Variants in IFT80 observed in about 807,000 individuals in gnomAD.
IFT80 encodes the protein intraflagellar transport protein 80 homolog.
Under a neutral mutation model 107.9 loss-of-function variants are expected in IFT80, and 79 were observed. The ratio of observed to expected loss-of-function variants is 0.73; its 90% CI spans 0.61 to 0.88. The LOEUF is 0.88. Ranked by LOEUF, IFT80 falls within the 40% of genes least tolerant of loss-of-function variation. The pLI, the probability that IFT80 is intolerant of heterozygous loss-of-function variation, is 0.00. For missense variants in IFT80, 797 were observed against 914.2 expected, an observed-to-expected ratio of 0.87 and a Z score of 1.65; for synonymous variants, 299 against 300.9, an observed-to-expected ratio of 0.99 and a Z score of 0.07.
At position 160,356,071 on chromosome 3, in the gene IFT80, T is replaced by A; in HGVS notation, c.719A>T (p.Asp240Val). The A allele has an allele frequency of 6.2e-7, 1 of 1,614,170 alleles. No homozygotes were observed. The highest frequency in any genetic ancestry group is 1.1e-5 in the South Asian group (1 of 91,088). Reference sequence around the variant, plus strand: ...CGATCCAACAGCAAATAATTCTCCATCTGGAGCCCAGGCAACTGAAGTAAT... The same window carrying A: ...CGATCCAACAGCAAATAATTCTCCAACTGGAGCCCAGGCAACTGAAGTAAT... ...HPITSVAWAP[D>V]GELFAVGSFH... The change falls in exon 8 of 20, where the codon GAT becomes GTT. Residue 240 changes from aspartate to valine, a missense_variant. Coordinates refer to ENST00000326448, the MANE Select transcript of IFT80 (RefSeq NM_020800.3).
intron 14 of IFT80, among the ~76,000 whole-genome samples, chr3:160,281,170 T>C (rs758181223): frequency 2.6e-5 from 4 of 152,204 alleles, no homozygotes; most frequent in Non-Finnish European, 4.4e-5. Context: ...AGAGTCACTC[T>C]TCTACAGGGG....
intron 8 of IFT80, among the ~76,000 whole-genome samples, chr3:160,347,205 C>T (rs749028932): frequency 1.3e-5 from 2 of 152,244 alleles, no homozygotes; most frequent in East Asian, 1.9e-4. Context: ...TTTTAGCTAC[C>T]GCCAGGCTGG....
intron 8 of IFT80, among the ~76,000 whole-genome samples, chr3:160,327,202 C>T (rs985942043): frequency 6.6e-6 from 1 of 152,152 alleles, no homozygotes; most frequent in African/African-American, 2.4e-5. Context: ...AAAAACATTC[C>T]ATGCTCATGG....
intron 18 of IFT80, among the ~76,000 whole-genome samples, chr3:160,274,208 A>G (rs1342811321): frequency 6.6e-6 from 1 of 152,206 alleles, no homozygotes; most frequent in Admixed American, 6.5e-5. Flanking sequence ...AAAGGACACC[A>G]ACTCCACTCA....
In IFT80 at chr3:160,273,327, G is replaced by A. The variant is rs144271375; in HGVS notation, c.2099+3979C>T. On this transcript the variant is annotated intron_variant, in intron 18 of 19. Transcript: ENST00000326448. The stretch of plus-strand genomic sequence containing the variant: ...GTGAATCAGAGGTCAAGAGTGATAC[G>A]ACCAGATTTCCATTGTGAAAAGATC... Among the ~76,000 whole-genome samples the A allele has an allele frequency of 3.3e-4, 50 of 152,230 alleles. 1 individual carries two copies. The East Asian group carries it at 8.9e-3, about 27-fold the overall frequency.
intron 13 of IFT80, among the ~76,000 whole-genome samples, chr3:160,284,617 C>T (rs900484724): frequency 2.0e-5 from 3 of 152,086 alleles, no homozygotes; most frequent in Admixed American, 2.0e-4. Context: ...AGCACATGTA[C>T]AAGAAGATGT....
intron 8 of IFT80, among the ~76,000 whole-genome samples, chr3:160,324,001 C>A (rs1375837764): frequency 6.6e-6 from 1 of 152,164 alleles, no homozygotes; most frequent in African/African-American, 2.4e-5. Flanking sequence ...CTACAAACAC[C>A]TCTACACAAA....
At chr3:160,321,999 G>T (rs116129646) in intron 8 of IFT80, among the ~76,000 whole-genome samples, 3,491 of 143,840 alleles carry the variant, frequency 0.024, 59 homozygotes, top group Non-Finnish European at 0.035. Context: ...GTCATTGTCA[G>T]CTTGTTATTT....
chr3:160,257,315 A>C lies in IFT80; in HGVS notation c.*1210T>G, dbSNP rs2108187647. The C allele has an allele frequency of 6.6e-6, 1 of 152,134 alleles. No individual in the cohort carries two copies. Among genetic ancestry groups the C allele is most frequent in the East Asian group, 1.9e-4 (1 of 5,192 alleles). 9.4% of individuals were successfully genotyped at this position (152,134 alleles called of 1,614,324 possible). A position where few individuals can be genotyped will look rare whatever the true frequency, so the allele number is the denominator to read the frequency against. The stretch of plus-strand genomic sequence containing the variant: ...TGTGTGTGTGTGTATATATATATAT[A>C]TCATACATAATCCCATATCTATGCA... On this transcript the variant is annotated 3_prime_UTR_variant, in exon 20 of 20. Coordinates refer to ENST00000326448, the MANE Select transcript of IFT80 (RefSeq NM_020800.3).
At chr3:160,302,358 T>C (rs1716494408) in intron 11 of IFT80, among the ~76,000 whole-genome samples, 1 of 152,068 alleles carries the variant, frequency 6.6e-6, no homozygotes. Flanking sequence ...GGCCCTTACA[T>C]ACTAGTGTAT....
At chr3:160,258,896 A>G (rs1317857240) in intron 19 of IFT80, among the ~76,000 whole-genome samples, 1 of 152,158 alleles carries the variant, frequency 6.6e-6, no homozygotes, top group Non-Finnish European at 1.5e-5. Flanking sequence ...TAGGAGTTTG[A>G]CAACATCCTG....
At chr3:160,347,200 G>C (rs1304091047) in intron 8 of IFT80, among the ~76,000 whole-genome samples, 1 of 152,086 alleles carries the variant, frequency 6.6e-6, no homozygotes, top group Non-Finnish European at 1.5e-5. Flanking sequence ...CATCATTTTA[G>C]CTACCGCCAG....
At chr3:160,323,758 G>C (rs985008901) in intron 8 of IFT80, among the ~76,000 whole-genome samples, 3 of 151,742 alleles carry the variant, frequency 2.0e-5, no homozygotes, top group Non-Finnish European at 4.4e-5. Flanking sequence ...GCTAGCAGAA[G>C]GCAAGAAATA....
At chr3:160,290,574 T>TTTTTG (rs1044286638) in intron 12 of IFT80, among the ~76,000 whole-genome samples, 21 of 152,158 alleles carry the variant, frequency 1.4e-4, no homozygotes, top group South Asian at 2.1e-4. Context: ...TGTTTGTTTG[T>TTTTTG]TTTTGTTTTG....
At chr3:160,386,013 T>G (rs1156797277) in intron 1 of IFT80, among the ~76,000 whole-genome samples, 1 of 152,170 alleles carries the variant, frequency 6.6e-6, no homozygotes, top group South Asian at 2.1e-4. Context: ...TTATTCTACA[T>G]CAGAAAACCT....
intron 9 of IFT80, among the ~76,000 whole-genome samples, chr3:160,318,229 T>C (rs1241696054): frequency 6.6e-6 from 1 of 151,640 alleles, no homozygotes; most frequent in African/African-American, 2.4e-5. Context: ...AAAAGTTTTA[T>C]AATTTTAAAA....
At chr3:160,327,254 A>G (rs1040182338) in intron 8 of IFT80, among the ~76,000 whole-genome samples, 3 of 152,170 alleles carry the variant, frequency 2.0e-5, no homozygotes, top group African/African-American at 7.2e-5. Flanking sequence ...TACTACCCAA[A>G]GCAATGTATA....
intron 6 of IFT80, among the ~76,000 whole-genome samples, chr3:160,360,216 C>T (rs1721393510): frequency 6.6e-6 from 1 of 152,146 alleles, no homozygotes; most frequent in Admixed American, 6.6e-5. Flanking sequence ...CATGCACAAG[C>T]TTCAGTAGCT....
chr3:160,298,323 T>A (rs192590810), intron 12 of IFT80, among the ~76,000 whole-genome samples: 125 of 152,236 alleles, frequency 8.2e-4, no homozygotes, highest in African/African-American at 2.9e-3. Context: ...CTAATTTTTT[T>A]AAAAAAGGAA....
Sources: allele counts gnomAD v4.1 joint callset (sites outside exome capture counted in the v4.1 genomes callset), GRCh38; gene constraint gnomAD v4.1.1; transcripts MANE v1.5; gene names NCBI Gene and HGNC (gene_info 2026-07-23, HGNC 2026-07-21).